Variants in GUCY1B1 observed in about 807,000 individuals in gnomAD.
GUCY1B1 encodes guanylate cyclase 1 soluble subunit beta 1, also known as guanylate cyclase soluble subunit beta-1.
A neutral mutation model predicts 71.0 loss-of-function variants in GUCY1B1; 43 were observed. That is an observed-to-expected ratio of 0.61 (90% CI 0.47 to 0.78). GUCY1B1 has a LOEUF of 0.78. Among genes scored for constraint, GUCY1B1 ranks in the 30% least tolerant of loss-of-function variants. The pLI is 0.00. For missense variants in GUCY1B1, 535 were observed against 754.1 expected, an observed-to-expected ratio of 0.71 and a Z score of 3.40; for synonymous variants, 266 against 259.7, an observed-to-expected ratio of 1.02 and a Z score of -0.23.
At chr4:155,773,481 G>A (rs143916254) in intron 2 of GUCY1B1, among the ~76,000 whole-genome samples, 1 of 152,088 alleles carries the variant, frequency 6.6e-6, no homozygotes, top group African/African-American at 2.4e-5. Context: ...TGTTTAATAA[G>A]CTAAGGATAT....
At chr4:155,788,012 A>T (rs964734229) in intron 4 of GUCY1B1, among the ~76,000 whole-genome samples, 26 of 152,204 alleles carry the variant, frequency 1.7e-4, no homozygotes, top group Non-Finnish European at 3.5e-4. Context: ...AATAATCACC[A>T]GTTGTGAATA....
At chr4:155,768,957 G>T (rs1184001119) in intron 2 of GUCY1B1, among the ~76,000 whole-genome samples, 2 of 152,104 alleles carry the variant, frequency 1.3e-5, no homozygotes, top group African/African-American at 2.4e-5. Context: ...CATACTAAGT[G>T]CACCTTAATT....
chr4:155,777,264 C>A (rs965026333), intron 3 of GUCY1B1, among the ~76,000 whole-genome samples: 2 of 152,126 alleles, frequency 1.3e-5, no homozygotes, highest in Non-Finnish European at 2.9e-5. Context: ...AGGTATGCTC[C>A]ACTTATAATT....
At chr4:155,765,083 C>G (rs1225689424) in intron 2 of GUCY1B1, among the ~76,000 whole-genome samples, 2 of 151,948 alleles carry the variant, frequency 1.3e-5, no homozygotes, top group Non-Finnish European at 2.9e-5. Flanking sequence ...TCGGAAGGAT[C>G]TTTGCACATT....
chr4:155,794,672 G>A (rs551264748), intron 6 of GUCY1B1, among the ~76,000 whole-genome samples: 20 of 152,138 alleles, frequency 1.3e-4, no homozygotes, highest in African/African-American at 3.4e-4. Flanking sequence ...TATGGCATAC[G>A]TTTAGAGATA....
Position 155,806,435 on chromosome 4 carries a change from G to A in GUCY1B1, c.*26G>A, listed in dbSNP as rs745953363. 22 of 1,567,480 alleles carry A rather than the reference G, an allele frequency of 1.4e-5. No individual in the cohort carries two copies. The East Asian group carries it at 3.4e-4, about 24-fold the overall frequency. ...ATCTTGGATTATGGGGTGAAGAGGA[G>A]TACAGACTAGGTTCCAGTTTTCTCC... is the stretch of plus-strand genomic sequence containing the variant. On this transcript the variant is annotated 3_prime_UTR_variant, in exon 14 of 14. Transcript: ENST00000264424.
At chr4:155,774,164 G>A (rs956415740) in intron 2 of GUCY1B1, among the ~76,000 whole-genome samples, 75 of 152,118 alleles carry the variant, frequency 4.9e-4, no homozygotes, top group Admixed American at 1.3e-4. Flanking sequence ...TCAAGTAAAT[G>A]GCAGTTATCC....
rs544806667 is a variant in GUCY1B1, at chr4:155,766,267, A to G, written c.77+6407A>G. ...TACTATTTAAATATAAGCTGTTTTC[A>G]AATAGACATTTCTTTTTCTCCAAGA... On this transcript the variant is annotated intron_variant, in intron 2 of 13. Transcript: ENST00000264424. 1.3e-4 allele frequency among the ~76,000 whole-genome samples: 20 copies of G among 152,330 alleles called. No individual in the cohort carries two copies. In the South Asian group the frequency reaches 4.1e-3, roughly 32 times the overall value.
chr4:155,806,550 A>G lies in GUCY1B1; in HGVS notation c.*141A>G. 3 of 604,638 alleles carry G rather than the reference A, an allele frequency of 5.0e-6. No homozygotes were observed. The highest frequency in any genetic ancestry group is 9.0e-6 in the Non-Finnish European group (3 of 332,880). The allele number at this position is 604,638 out of a possible 1,614,324, so 37.5% of individuals were successfully genotyped here. A position where few individuals can be genotyped will look rare whatever the true frequency, so the allele number is the denominator to read the frequency against. On this transcript the variant is annotated 3_prime_UTR_variant, in exon 14 of 14. Coordinates refer to ENST00000264424, the MANE Select transcript of GUCY1B1 (RefSeq NM_000857.5). ...ATTACCCCAAGACTTTCTTCTAGATATATCTCTCACTATCCGTTATTCAAC... is the reference window on the plus strand; with the variant it reads ...ATTACCCCAAGACTTTCTTCTAGATGTATCTCTCACTATCCGTTATTCAAC...
chr4:155,776,005 G>C (rs1267175436), intron 3 of GUCY1B1, among the ~76,000 whole-genome samples: 1 of 152,152 alleles, frequency 6.6e-6, no homozygotes, highest in African/African-American at 2.4e-5. Flanking sequence ...ATTGGTAAAT[G>C]TTTAATATTA....
chr4:155,764,969 C>A (rs1346563459), intron 2 of GUCY1B1, among the ~76,000 whole-genome samples: 1 of 151,872 alleles, frequency 6.6e-6, no homozygotes, highest in Admixed American at 6.6e-5. Flanking sequence ...CTGAGGTATC[C>A]CCCAGAAATC....
rs572892943 is a variant in GUCY1B1, at chr4:155,791,341, T to C, written c.495+1430T>C. Among the ~76,000 whole-genome samples the C allele has an allele frequency of 4.4e-3, 666 of 149,674 alleles. 3 individuals carry two copies. Among genetic ancestry groups the C allele is most frequent in the African/African-American group, 0.016 (644 of 40,918 alleles). On this transcript the variant is annotated intron_variant, in intron 5 of 13. Transcript: ENST00000264424. ...CGTGTTAGCCAGGATGGTCTCTCTC[T>C]CCTGACCTCATGATCCGCCCGGCTC...
At position 155,766,651 on chromosome 4, in the gene GUCY1B1, G is replaced by A. The variant is rs1737354918; in HGVS notation, c.77+6791G>A. Among the ~76,000 whole-genome samples the A allele has an allele frequency of 2.0e-5, 3 of 152,106 alleles. No individual in the cohort carries two copies. In the South Asian group the frequency reaches 6.2e-4, roughly 32 times the overall value. On this transcript the variant is annotated intron_variant, in intron 2 of 13. Transcript: ENST00000264424. ...TCAGAGTTCTTTTATGTTTTCTCAT[G>A]TCATGTGGATGTATTGGAAGGACTA...
chr4:155,761,920 G>C (rs3822004), intron 2 of GUCY1B1, among the ~76,000 whole-genome samples: 124,993 of 152,248 alleles, frequency 0.82, 51,401 homozygotes, highest in East Asian at 0.84. Flanking sequence ...AAGGGAAAAA[G>C]TGTTAGTCAC....
At chr4:155,772,061 G>A (rs1737727004) in intron 2 of GUCY1B1, among the ~76,000 whole-genome samples, 1 of 152,068 alleles carries the variant, frequency 6.6e-6, no homozygotes, top group Non-Finnish European at 1.5e-5. Context: ...TTAGAATGCA[G>A]AAAATATATA....
chr4:155,785,536 A>G (rs775872481), intron 4 of GUCY1B1, among the ~76,000 whole-genome samples: 8 of 152,164 alleles, frequency 5.3e-5, no homozygotes, highest in Non-Finnish European at 1.2e-4. Flanking sequence ...CTTTGTTTAG[A>G]TAGCATTATC....
At chr4:155,797,018 A>G (rs148057645) in intron 8 of GUCY1B1, among the ~76,000 whole-genome samples, 1 of 152,338 alleles carries the variant, frequency 6.6e-6, no homozygotes, top group East Asian at 1.9e-4. Flanking sequence ...ATATTATTCA[A>G]TTAAAATGTA....
chr4:155,800,832 A>G (rs72681514), intron 9 of GUCY1B1, among the ~76,000 whole-genome samples: 3 of 152,310 alleles, frequency 2.0e-5, no homozygotes, highest in Non-Finnish European at 4.4e-5. Context: ...TAATGTTTAT[A>G]TAAACATTTG....
chr4:155,775,414 T>C (rs1737975428), intron 3 of GUCY1B1, among the ~76,000 whole-genome samples: 1 of 152,122 alleles, frequency 6.6e-6, no homozygotes, highest in Non-Finnish European at 1.5e-5. Flanking sequence ...CATCTCAGCC[T>C]CCCAAGTAAC....
Sources: gnomAD v4.1 joint callset for allele counts (sites outside exome capture counted in the v4.1 genomes callset) on GRCh38, gnomAD v4.1.1 for gene constraint, MANE v1.5 for transcripts, NCBI Gene and HGNC (gene_info 2026-07-23, HGNC 2026-07-21) for gene names.